CPLX2: variants seen among roughly 807,000 people sequenced by gnomAD.
CPLX2 encodes the protein complexin-2.
CPLX2 carries 5 observed loss-of-function variants against 16.3 expected under a neutral mutation model. The ratio of observed to expected loss-of-function variants is 0.31; its 90% CI spans 0.16 to 0.64. The LOEUF is 0.64. CPLX2 is among the 30% of genes least tolerant of loss of function. CPLX2 has a pLI of 0.79. For missense variants in CPLX2, 144 were observed against 181.4 expected, an observed-to-expected ratio of 0.79 and a Z score of 1.18; for synonymous variants, 89 against 73.2, an observed-to-expected ratio of 1.22 and a Z score of -1.10.
chr5:175,880,109 T>G lies in CPLX2; in HGVS notation c.*64T>G, dbSNP rs1195622183. On this transcript the variant is annotated 3_prime_UTR_variant, in exon 4 of 4. Transcript: ENST00000393745. Reference sequence around the variant, plus strand: ...TTCTTTTTGGTTCTTTCTTTTCTTTTTATTAGGTTAAGTCTCAATTCTGAA... The same window carrying G: ...TTCTTTTTGGTTCTTTCTTTTCTTTGTATTAGGTTAAGTCTCAATTCTGAA... 2 of 1,525,388 alleles carry G rather than the reference T, an allele frequency of 1.3e-6. No homozygotes were observed. The highest frequency in any genetic ancestry group is 1.2e-5 in the South Asian group (1 of 83,760). The allele number at this position is 1,525,388 out of a possible 1,614,324, so 94.5% of individuals were successfully genotyped here.
Position 175,874,689 on chromosome 5 carries a change from CAG to C in CPLX2, c.-89+2989_-89+2990del, listed in dbSNP as rs1194794773. On this transcript the variant is annotated intron_variant, in intron 1 of 3. Coordinates refer to ENST00000393745, the MANE Select transcript of CPLX2 (RefSeq NM_001008220.2). Reference sequence around the variant, plus strand: ...AGATTATCCATGTGACAACATCCAGCAGAGAGTTAAATGTGCAGGTGTAGGGG... The same window carrying C: ...AGATTATCCATGTGACAACATCCAGCAGAGTTAAATGTGCAGGTGTAGGGG... 3.3e-5 allele frequency among the ~76,000 whole-genome samples: 5 copies of C among 152,040 alleles called. No individual in the cohort carries two copies. In the East Asian group the frequency reaches 7.7e-4, roughly 24 times the overall value.
rs190665559 is a variant in CPLX2 at position 175,801,741 on chromosome 5, C to T, written c.-169+4957C>T. On this transcript the variant is annotated intron_variant, in intron 1 of 4. Coordinates refer to the CPLX2 transcript ENST00000359546. ...GCACTCAGAAAGTGCCGTATGAGTA[C>T]GAGTATTCTAAATAAAAACGGAGCA... Among the ~76,000 whole-genome samples, 360 of 152,288 alleles carry T rather than the reference C, an allele frequency of 2.4e-3. 1 individual carries two copies. The highest frequency in any genetic ancestry group is 8.1e-3 in the African/African-American group (336 of 41,556).
intron 1 of CPLX2, among the ~76,000 whole-genome samples, chr5:175,802,684 G>C (rs1409149807): frequency 1.3e-5 from 2 of 152,186 alleles, no homozygotes; most frequent in African/African-American, 4.8e-5. Flanking sequence ...CCTCAGCCCT[G>C]ACCCTTCCTA....
Position 175,880,266 on chromosome 5 carries a change from GAC to G in CPLX2, c.*223_*224del. 1 of 661,082 alleles carries G rather than the reference GAC, an allele frequency of 1.5e-6. No homozygotes were observed. The highest frequency in any genetic ancestry group is 1.6e-5 in the South Asian group (1 of 62,418). The allele number at this position is 661,082 out of a possible 1,614,324, so 41.0% of individuals were successfully genotyped here. ...CTCCCAAGTAGCTTGAAAAAGGGAG[GAC>G]AGTCTTTCCCCAGCAGGGGTCAGGG... On this transcript the variant is annotated 3_prime_UTR_variant, in exon 4 of 4. Transcript: ENST00000393745.
upstream of CPLX2, among the ~76,000 whole-genome samples, chr5:175,868,913 G>A (rs181330084): frequency 7.5e-4 from 114 of 152,262 alleles, no homozygotes; most frequent in Middle Eastern, 3.4e-3. Context: ...ATCTCCCTGG[G>A]CCTCAACTTT....
At chr5:175,838,545 A>C (rs144735853) in intron 2 of CPLX2, among the ~76,000 whole-genome samples, 1,543 of 152,042 alleles carry the variant, frequency 0.01, 24 homozygotes, top group African/African-American at 0.035. Context: ...CGCGTGAGCC[A>C]CCGCGCCCGG....
At position 175,880,451 on chromosome 5, in the gene CPLX2, G is replaced by A. The variant is rs991826077; in HGVS notation, c.*406G>A. On this transcript the variant is annotated 3_prime_UTR_variant, in exon 4 of 4. Transcript: ENST00000393745. The stretch of plus-strand genomic sequence containing the variant: ...TGACCTTTGGCCTCTAACCCTCAGT[G>A]GGCCCCCAGGTCAGGGCAGGGGCAC... 22 of 305,856 alleles carry A rather than the reference G, an allele frequency of 7.2e-5. No homozygotes were observed. Among genetic ancestry groups the A allele is most frequent in the Admixed American group, 4.5e-5 (1 of 22,070 alleles). 18.9% of individuals were successfully genotyped at this position (305,856 alleles called of 1,614,324 possible). A position where few individuals can be genotyped will look rare whatever the true frequency, so the allele number is the denominator to read the frequency against.
At chr5:175,816,385 C>G (rs889914966) in intron 2 of CPLX2, among the ~76,000 whole-genome samples, 25 of 152,156 alleles carry the variant, frequency 1.6e-4, no homozygotes, top group Non-Finnish European at 3.4e-4. Flanking sequence ...CCAGGATGGT[C>G]TTGATCTCCT....
chr5:175,850,150 T>G (rs1166718741), intron 2 of CPLX2, among the ~76,000 whole-genome samples: 1 of 70,944 alleles, frequency 1.4e-5, no homozygotes, highest in African/African-American at 3.6e-5. Flanking sequence ...GACAGTTTTT[T>G]TGTTTTTTTT....
chr5:175,855,210 A>G (rs1759231758), intron 2 of CPLX2, among the ~76,000 whole-genome samples: 1 of 152,188 alleles, frequency 6.6e-6, no homozygotes, highest in African/African-American at 2.4e-5. Flanking sequence ...GCCTTCTACC[A>G]TAAGGCAGAG....
Position 175,845,363 on chromosome 5 carries a change from T to G in CPLX2, c.-88-33289T>G, listed in dbSNP as rs1236301635. On this transcript the variant is annotated intron_variant, in intron 2 of 4. Transcript: ENST00000359546. The surrounding 1 kb of genome is among the most constrained non-coding windows in gnomAD (Gnocchi z 4.0). ...GCCTCTCCGGCCTCATTTCCTCAAC[T>G]CTGCCCCTGCTCCCACACTGCAGCC... Among the ~76,000 whole-genome samples the G allele has an allele frequency of 2.6e-5, 4 of 152,290 alleles. No homozygotes were observed. In the East Asian group the frequency reaches 7.7e-4, roughly 29 times the overall value.
At chr5:175,821,489 C>A (rs1758507877) in intron 2 of CPLX2, among the ~76,000 whole-genome samples, 1 of 152,090 alleles carries the variant, frequency 6.6e-6, no homozygotes, top group African/African-American at 2.4e-5. Flanking sequence ...CTCATTGCAA[C>A]CTCTGCCTCC....
In CPLX2 at chr5:175,872,021, C is replaced by T. The variant is rs906209411; in HGVS notation, c.-89+316C>T. Reference sequence around the variant, plus strand: ...GCCCGAACGGCCGGGGTCCCGGAGCCAGGACCGCCCCGGCTGCGGCGGAGA... The same window carrying T: ...GCCCGAACGGCCGGGGTCCCGGAGCTAGGACCGCCCCGGCTGCGGCGGAGA... On this transcript the variant is annotated intron_variant, in intron 1 of 3. Coordinates refer to ENST00000393745, the MANE Select transcript of CPLX2 (RefSeq NM_001008220.2). This position sits in a 1 kb window ranked among gnomAD's most constrained non-coding sequence, Gnocchi z 5.0. 2.6e-5 allele frequency: 4 copies of T among 152,268 alleles called. No individual in the cohort carries two copies. Among genetic ancestry groups the T allele is most frequent in the African/African-American group, 9.6e-5 (4 of 41,462 alleles). 9.4% of individuals were successfully genotyped at this position (152,268 alleles called of 1,614,324 possible).
chr5:175,836,132 C>T (rs1285320035), intron 2 of CPLX2, among the ~76,000 whole-genome samples: 7 of 152,088 alleles, frequency 4.6e-5, no homozygotes, highest in Admixed American at 3.3e-4. Context: ...GGGCAGATCA[C>T]GAGGTCAGGA....
rs1038565386 is a variant in CPLX2 at position 175,830,164 on chromosome 5, T to C, written c.-89+21096T>C. On this transcript the variant is annotated intron_variant, in intron 2 of 4. Transcript: ENST00000359546. The surrounding 1 kb of genome is among the most constrained non-coding windows in gnomAD (Gnocchi z 4.0). ...AGCTGGAAGGGCACATGAAGGGCAG[T>C]GTGGGCAGAGGGACAGGCAGGGAGG... Among the ~76,000 whole-genome samples the C allele has an allele frequency of 9.9e-5, 15 of 152,158 alleles. No individual in the cohort carries two copies. Among genetic ancestry groups the C allele is most frequent in the South Asian group, 2.1e-4 (1 of 4,822 alleles).
At chr5:175,839,270 T>TTTG (rs1554119912) in intron 2 of CPLX2, among the ~76,000 whole-genome samples, 5 of 149,310 alleles carry the variant, frequency 3.3e-5, no homozygotes, top group African/African-American at 1.3e-4. Flanking sequence ...AATTTTTGTT[T>TTTG]TTTTGTTTTG....
intron 2 of CPLX2, among the ~76,000 whole-genome samples, chr5:175,826,105 C>A (rs1447973042): frequency 6.6e-6 from 1 of 151,914 alleles, no homozygotes; most frequent in Non-Finnish European, 1.5e-5. Context: ...ACTAGCGGCA[C>A]CACGAGGTTA....
intron 2 of CPLX2, among the ~76,000 whole-genome samples, chr5:175,822,182 CT>C (rs749868269): frequency 4.6e-5 from 7 of 152,164 alleles, no homozygotes; most frequent in Non-Finnish European, 1.0e-4. Context: ...TTCATCTGTA[CT>C]TTTTTTCTTC....
chr5:175,808,416 G>T (rs1055894267), intron 1 of CPLX2, among the ~76,000 whole-genome samples: 1 of 151,898 alleles, frequency 6.6e-6, no homozygotes, highest in Admixed American at 6.6e-5. Context: ...GGAATGCATG[G>T]TGCCCCCTAG....
Sources: gnomAD v4.1 joint callset for allele counts (sites outside exome capture counted in the v4.1 genomes callset) on GRCh38, gnomAD v4.1.1 for gene constraint, Gnocchi (gnomAD v3.1) non-coding constraint, MANE v1.5 for transcripts, NCBI Gene and HGNC (gene_info 2026-07-23, HGNC 2026-07-21) for gene names.